Variants in C9orf57 observed in about 807,000 individuals in gnomAD.
The protein encoded by C9orf57 is uncharacterized protein C9orf57.
In C9orf57, 12 loss-of-function variants were observed where a neutral mutation model predicts 12.9. That is an observed-to-expected ratio of 0.93 (90% CI 0.60 to 1.51). The LOEUF is 1.51. Ranked by LOEUF, C9orf57 falls within the 40% of genes most tolerant of loss-of-function variation. The probability of loss-of-function intolerance (pLI) is 0.00; values close to 1 mark genes in which losing one functional copy is unlikely to be tolerated. For synonymous variants in C9orf57, 49 were observed against 57.1 expected (o/e 0.86, Z 0.64); for missense variants, 141 against 162.8 (o/e 0.87, Z 0.73).
At chr9:72,052,469 G>T in intron 4 of C9orf57, 34 bp from the exon 5 acceptor site, 1 of 1,546,318 alleles carries the variant, frequency 6.5e-7, no homozygotes, top group South Asian at 1.2e-5. Context: ...GAAATTTCTT[G>T]GGAGGTACAA....
chr9:72,052,503 A>T, intron 4 of C9orf57, 68 bp from the exon 5 acceptor site: 1 of 1,438,842 alleles, frequency 7.0e-7, no homozygotes, highest in South Asian at 1.3e-5. Context: ...AGATGCTAAT[A>T]GGTTAAAAAG....
Position 72,059,252 on chromosome 9 carries a change from A to T in C9orf57, c.80T>A (p.Leu27Ter). 6.4e-7 allele frequency: 1 copy of T among 1,550,980 alleles called. No homozygotes were observed. Among genetic ancestry groups the T allele is most frequent in the Non-Finnish European group, 8.7e-7 (1 of 1,146,854 alleles). ...VILFRLLGVI[L>*]FGRLGDLGTC... ...TGACTTACCACCTAAGCGGCCGAATAAGATAACACCTAAGAGGCGGAATAA... is the reference window on the plus strand; with the variant it reads ...TGACTTACCACCTAAGCGGCCGAATTAGATAACACCTAAGAGGCGGAATAA... The change falls in exon 2 of 5, where the codon TTA (leucine) becomes TAA (stop). Residue 27 changes from leucine to a stop codon, truncating the protein, a stop_gained. Coordinates refer to ENST00000651200, the MANE Select transcript of C9orf57 (RefSeq NM_001128618.2). LOFTEE classifies it high-confidence loss of function.
In C9orf57 at chr9:72,051,570, T is replaced by G. The variant is rs1824082900; in HGVS notation, c.*726A>C. On this transcript the variant is annotated 3_prime_UTR_variant, in exon 5 of 5. Transcript: ENST00000651200. Reference sequence around the variant, plus strand: ...GTTCAAAGTACGTTCCTACTCCTTTTAAATTCCTTGTGGTTGGGAACTTAC... The same window carrying G: ...GTTCAAAGTACGTTCCTACTCCTTTGAAATTCCTTGTGGTTGGGAACTTAC... 1 of 152,240 alleles carries G rather than the reference T, an allele frequency of 6.6e-6. No individual in the cohort carries two copies. Among genetic ancestry groups the G allele is most frequent in the Non-Finnish European group, 1.5e-5 (1 of 68,048 alleles). The allele number at this position is 152,240 out of a possible 1,614,324, so 9.4% of individuals were successfully genotyped here.
rs200856635 is a variant in C9orf57 at position 72,056,240 on chromosome 9, C to T, written c.158-44G>A. On this transcript the variant is annotated intron_variant, in intron 3 of 4. Transcript: ENST00000651200. ...AAAAATGAGAAAGTAGTGATAGATA[C>T]GAGAGAGAAAACGAGGAAGGAAGAG... is the stretch of plus-strand genomic sequence containing the variant. The T allele has an allele frequency of 2.1e-5, 32 of 1,490,930 alleles. No homozygotes were observed. The Middle Eastern group carries it at 6.9e-4, about 32-fold the overall frequency. The allele number at this position is 1,490,930 out of a possible 1,614,324, so 92.4% of individuals were successfully genotyped here.
At chr9:72,057,785 G>T (rs992347587) in intron 2 of C9orf57, among the ~76,000 whole-genome samples, 2 of 152,038 alleles carry the variant, frequency 1.3e-5, no homozygotes, top group Admixed American at 1.3e-4. Flanking sequence ...ATATATAGTC[G>T]ATTCTTCATG....
chr9:72,055,617 T>C (rs1168048859), intron 4 of C9orf57, among the ~76,000 whole-genome samples: 4 of 152,018 alleles, frequency 2.6e-5, no homozygotes, highest in African/African-American at 9.7e-5. Flanking sequence ...AAACTTAAAA[T>C]GTTTCCCAGT....
At chr9:72,060,388 T>C in intron 1 of C9orf57, 109 bp downstream of exon 1, 1 of 668,900 alleles carries the variant, frequency 1.5e-6, no homozygotes, top group Non-Finnish European at 2.7e-6. Context: ...ACCTTATTTA[T>C]GAGGGAAAAG....
chr9:72,051,811 T>C lies in C9orf57; in HGVS notation c.*485A>G, dbSNP rs1196586336. The C allele has an allele frequency of 1.3e-5, 2 of 152,892 alleles. No individual in the cohort carries two copies. The highest frequency in any genetic ancestry group is 2.9e-5 in the Non-Finnish European group (2 of 68,588). The allele number at this position is 152,892 out of a possible 1,614,324, so 9.5% of individuals were successfully genotyped here. ...TGATTCATGGCTTATTTTTTCCCTA[T>C]AGTATATGTTAAGTCAGTTTCTTCT... On this transcript the variant is annotated 3_prime_UTR_variant, in exon 5 of 5. Transcript: ENST00000651200.
At chr9:72,058,955 G>A (rs184102789) in intron 2 of C9orf57, among the ~76,000 whole-genome samples, 187 of 151,712 alleles carry the variant, frequency 1.2e-3, no homozygotes, top group African/African-American at 4.4e-3. Flanking sequence ...TTGGCTCATC[G>A]CAACCTCTGC....
intron 1 of C9orf57, 44 bp from the exon 2 acceptor site, chr9:72,059,428 A>C (rs1589302461): frequency 6.5e-7 from 1 of 1,540,738 alleles, no homozygotes; most frequent in South Asian, 1.2e-5. Context: ...GCTATTTTAA[A>C]AACGGAAAGG....
At chr9:72,055,744 C>T (rs1824185340) in intron 4 of C9orf57, among the ~76,000 whole-genome samples, 1 of 152,062 alleles carries the variant, frequency 6.6e-6, no homozygotes, top group South Asian at 2.1e-4. Flanking sequence ...TTGTGTATTA[C>T]TTTTTTGTGA....
intron 1 of C9orf57, among the ~76,000 whole-genome samples, chr9:72,059,947 A>G (rs1268929941): frequency 6.6e-6 from 1 of 152,254 alleles, no homozygotes; most frequent in East Asian, 1.9e-4. Flanking sequence ...CTATGAAGTG[A>G]AATAGATGAT....
intron 2 of C9orf57, among the ~76,000 whole-genome samples, chr9:72,058,188 C>G (rs1052774070): frequency 6.6e-6 from 1 of 152,076 alleles, no homozygotes; most frequent in African/African-American, 2.4e-5. Flanking sequence ...AGAGACAGAG[C>G]CTTGCTCTTT....
chr9:72,060,402 TA>T (rs1324488956), intron 1 of C9orf57, 94 bp downstream of exon 1: 2 of 704,244 alleles, frequency 2.8e-6, no homozygotes, highest in African/African-American at 1.8e-5. Context: ...GGAAAAGCAT[TA>T]TGTGATAGTT....
chr9:72,058,283 C>T (rs565663980), intron 2 of C9orf57, among the ~76,000 whole-genome samples: 1 of 152,242 alleles, frequency 6.6e-6, no homozygotes, highest in Admixed American at 6.5e-5. Context: ...GCCTCAGCTT[C>T]CCGAGTAGCT....
chr9:72,056,881 T>G lies in C9orf57; in HGVS notation c.98-38A>C, dbSNP rs770691695. On this transcript the variant is annotated intron_variant, in intron 2 of 4. Coordinates refer to ENST00000651200, the MANE Select transcript of C9orf57 (RefSeq NM_001128618.2). ...CATGGAAGGGGATTGAAAGATTGCATGCTCTGCAAATGTATACATATATAT... is the reference window on the plus strand; with the variant it reads ...CATGGAAGGGGATTGAAAGATTGCAGGCTCTGCAAATGTATACATATATAT... 36 of 1,507,790 alleles carry G rather than the reference T, an allele frequency of 2.4e-5. No individual in the cohort carries two copies. The South Asian group carries it at 4.1e-4, about 17-fold the overall frequency. The allele number at this position is 1,507,790 out of a possible 1,614,324, so 93.4% of individuals were successfully genotyped here. A position where few individuals can be genotyped will look rare whatever the true frequency, so the allele number is the denominator to read the frequency against.
intron 2 of C9orf57, among the ~76,000 whole-genome samples, chr9:72,059,028 C>T (rs1401357235): frequency 2.6e-5 from 4 of 152,154 alleles, no homozygotes; most frequent in Non-Finnish European, 5.9e-5. Flanking sequence ...CAGGCATGCA[C>T]CACCACGCCC....
Position 72,052,193 on chromosome 9 carries a change from G to A in C9orf57, c.*103C>T. ...TTCCTTCTACCTACAAGGGTCTGAG[G>A]TTTCTGAAGTGGGCTAATTGACAAT... is the stretch of plus-strand genomic sequence containing the variant. On this transcript the variant is annotated 3_prime_UTR_variant, in exon 5 of 5. Transcript: ENST00000651200. 1 of 1,330,606 alleles carries A rather than the reference G, an allele frequency of 7.5e-7. No individual in the cohort carries two copies. The highest frequency in any genetic ancestry group is 1.4e-5 in the South Asian group (1 of 69,176). 82.4% of individuals were successfully genotyped at this position (1,330,606 alleles called of 1,614,324 possible).
At chr9:72,060,323 G>GGTGGGT (rs1824307205) in intron 1 of C9orf57, among the ~76,000 whole-genome samples, 174 bp downstream of exon 1, 2 of 152,186 alleles carry the variant, frequency 1.3e-5, no homozygotes, top group Admixed American at 1.3e-4. Flanking sequence ...GGGATTACAG[G>GGTGGGT]CGTGAGCCAC....
Sources: allele counts gnomAD v4.1 joint callset (sites outside exome capture counted in the v4.1 genomes callset), GRCh38; gene constraint gnomAD v4.1.1; transcripts MANE v1.5; gene names NCBI Gene and HGNC (gene_info 2026-07-23, HGNC 2026-07-21).